Variants in CA5A observed in about 807,000 individuals in gnomAD.
CA5A encodes the protein carbonic anhydrase 5A, mitochondrial.
In CA5A, 28 loss-of-function variants were observed where a neutral mutation model predicts 37.1. That is an observed-to-expected ratio of 0.75 (90% CI 0.56 to 1.03). CA5A has a LOEUF of 1.03. CA5A is among the 50% of genes least tolerant of loss of function. The pLI is 0.00. For missense variants in CA5A, 444 were observed against 399.9 expected (o/e 1.11, Z -0.94); for synonymous variants, 171 against 158.4 (o/e 1.08, Z -0.60).
intron 1 of CA5A, among the ~76,000 whole-genome samples, chr16:87,933,516 T>C (rs1346507575): frequency 2.6e-5 from 4 of 151,840 alleles, no homozygotes; most frequent in Non-Finnish European, 5.9e-5. Context: ...GCTGGGATGA[T>C]AGGTGTGTGC....
intron 5 of CA5A, chr16:87,893,317 C>T (rs145061528): frequency 1.9e-4 from 67 of 349,880 alleles, no homozygotes; most frequent in Middle Eastern, 9.4e-4. Context: ...TTAGTAGAGA[C>T]GGGGTTTCAC....
exon 5 of CA5A, chr16:87,881,846 A>G (rs1850049864): frequency 6.6e-6 from 1 of 152,172 alleles, no homozygotes; most frequent in Non-Finnish European, 1.5e-5. Flanking sequence ...TCCCGGGAGT[A>G]TCTCCGTGTC....
intron 5 of CA5A, 27 bp from the exon 6 acceptor site, chr16:87,891,981 G>C: frequency 1.3e-6 from 2 of 1,510,760 alleles, no homozygotes; most frequent in Non-Finnish European, 8.8e-7. Flanking sequence ...CACAGGACGT[G>C]TCAGTCCTCA....
At chr16:87,918,342 G>T (rs1463975513) in intron 2 of CA5A, among the ~76,000 whole-genome samples, 5 of 152,178 alleles carry the variant, frequency 3.3e-5, no homozygotes, top group Non-Finnish European at 5.9e-5. Context: ...GGATCTGGCT[G>T]CTGTTTTCCT....
intron 6 of CA5A, among the ~76,000 whole-genome samples, chr16:87,891,013 C>T (rs1320057007): frequency 1.3e-5 from 2 of 151,788 alleles, no homozygotes; most frequent in African/African-American, 4.8e-5. Context: ...AGGCTGGTCT[C>T]GAACTCCTGG....
intron 2 of CA5A, among the ~76,000 whole-genome samples, chr16:87,909,713 G>A (rs1231390281): frequency 6.6e-6 from 1 of 152,232 alleles, no homozygotes; most frequent in Non-Finnish European, 1.5e-5. Context: ...GTGAAACAGA[G>A]AATCTCACTG....
intron 2 of CA5A, among the ~76,000 whole-genome samples, chr16:87,915,784 C>T (rs2056131888): frequency 6.7e-6 from 1 of 149,870 alleles, no homozygotes; most frequent in Admixed American, 6.6e-5. Context: ...TGCAGTGTAA[C>T]TTTCTGGCCC....
intron 2 of CA5A, among the ~76,000 whole-genome samples, chr16:87,918,630 A>T (rs2056188513): frequency 6.6e-6 from 1 of 152,106 alleles, no homozygotes; most frequent in African/African-American, 2.4e-5. Context: ...AGGCCTCGGG[A>T]GCCTGTCCGT....
chr16:87,883,708 C>G (rs2055626825), downstream of CA5A: 1 of 150,952 alleles, frequency 6.6e-6, no homozygotes, highest in South Asian at 2.1e-4. Flanking sequence ...ACAATCTTGG[C>G]TCATTGCAAC....
chr16:87,924,880 T>G (rs2056282735), intron 2 of CA5A, among the ~76,000 whole-genome samples: 1 of 152,228 alleles, frequency 6.6e-6, no homozygotes, highest in Non-Finnish European at 1.5e-5. Context: ...GATGTGGTGC[T>G]GAGTGCCGGC....
rs377324052 is a variant in CA5A at position 87,929,684 on chromosome 16, A to C, written c.143-2739T>G. Among the ~76,000 whole-genome samples the C allele has an allele frequency of 9.2e-4, 139 of 151,672 alleles. 1 individual carries two copies. Among genetic ancestry groups the C allele is most frequent in the South Asian group, 7.5e-3 (36 of 4,798 alleles). ...TCAGGAGATCGAGACCATCCTGGCT[A>C]ACACCGTGAAACCCGGTCTCTACTA... On this transcript the variant is annotated intron_variant, in intron 1 of 6. Coordinates refer to ENST00000649794, the MANE Select transcript of CA5A (RefSeq NM_001739.2).
At chr16:87,935,893 C>T (rs2056464196) in intron 1 of CA5A, among the ~76,000 whole-genome samples, 1 of 150,914 alleles carries the variant, frequency 6.6e-6, no homozygotes, top group Non-Finnish European at 1.5e-5. Context: ...AAAAAGAGGG[C>T]CGGGCGCCGT....
chr16:87,919,972 A>G (rs1002220195), intron 2 of CA5A, among the ~76,000 whole-genome samples: 1 of 152,176 alleles, frequency 6.6e-6, no homozygotes, highest in African/African-American at 2.4e-5. Flanking sequence ...CCCTCCACCC[A>G]GCCCCGGAAA....
Position 87,888,259 on chromosome 16 carries a change from C to G in CA5A, c.788G>C (p.Arg263Pro). ...ACCAAGTGCAGAAAACAGGAGAGTACGAAATGCAGAGAGCTGGAATAGAGG... is the reference window on the plus strand; with the variant it reads ...ACCAAGTGCAGAAAACAGGAGAGTAGGAAATGCAGAGAGCTGGAATAGAGG... ...EVAPSQLSAF[R>P]TLLFSALGEE... Residue 263 changes from arginine to proline, a missense_variant, in exon 7 of 7, where the codon CGT (arginine) becomes CCT (proline). Transcript: ENST00000649794. 1 of 1,613,084 alleles carries G rather than the reference C, an allele frequency of 6.2e-7. No individual in the cohort carries two copies. The highest frequency in any genetic ancestry group is 1.1e-5 in the South Asian group (1 of 90,978).
At chr16:87,917,042 T>C (rs1009229636) in intron 2 of CA5A, among the ~76,000 whole-genome samples, 4 of 147,502 alleles carry the variant, frequency 2.7e-5, no homozygotes, top group Admixed American at 2.0e-4. Context: ...GAGGCGGAGG[T>C]TGCAGTGAGC....
intron 5 of CA5A, among the ~76,000 whole-genome samples, chr16:87,894,653 C>T (rs1011271654): frequency 1.3e-5 from 2 of 151,688 alleles, no homozygotes; most frequent in South Asian, 2.1e-4. Flanking sequence ...CCAAGGCAGG[C>T]AGATCACCTG....
At chr16:87,908,574 C>G (rs938430026) in intron 2 of CA5A, among the ~76,000 whole-genome samples, 2 of 152,176 alleles carry the variant, frequency 1.3e-5, no homozygotes, top group Non-Finnish European at 2.9e-5. Context: ...GGATCCCCAC[C>G]CACAAAACCT....
At chr16:87,901,301 G>A (rs1331654518) in intron 5 of CA5A, among the ~76,000 whole-genome samples, 4 of 152,334 alleles carry the variant, frequency 2.6e-5, no homozygotes, top group Admixed American at 1.3e-4. Context: ...TATGTCAAAC[G>A]TCTTCAGGAT....
intron 6 of CA5A, among the ~76,000 whole-genome samples, chr16:87,890,541 A>G (rs1265995023): frequency 6.6e-6 from 1 of 152,166 alleles, no homozygotes; most frequent in Non-Finnish European, 1.5e-5. Flanking sequence ...GTGGCTCTGA[A>G]CTGCCTTGGA....
Sources: allele counts gnomAD v4.1 joint callset (sites outside exome capture counted in the v4.1 genomes callset), GRCh38; gene constraint gnomAD v4.1.1; transcripts MANE v1.5; gene names NCBI Gene and HGNC (gene_info 2026-07-23, HGNC 2026-07-21).